Variants in SCAF8 observed in about 807,000 individuals in gnomAD.
SCAF8 encodes the protein SR-related and CTD-associated factor 8.
In SCAF8, 23 loss-of-function variants were observed where a neutral mutation model predicts 140.5. The observed-to-expected ratio is 0.16, with a 90% CI of 0.12 to 0.23. SCAF8 has a LOEUF of 0.23. SCAF8 is among the 10% of genes least tolerant of loss of function. SCAF8 has a pLI of 1.00. For missense variants in SCAF8, 1,397 were observed against 1,555.7 expected, an observed-to-expected ratio of 0.90 and a Z score of 1.72; for synonymous variants, 575 against 528.9, an observed-to-expected ratio of 1.09 and a Z score of -1.20.
chr6:154,743,304 T>C (rs780600461), intron 1 of SCAF8, among the ~76,000 whole-genome samples: 9 of 152,254 alleles, frequency 5.9e-5, no homozygotes, highest in Admixed American at 6.5e-5. Flanking sequence ...TTGTCTGTTA[T>C]ATATGTTTTA....
intron 1 of SCAF8, among the ~76,000 whole-genome samples, chr6:154,766,198 G>A (rs1776560683): frequency 6.6e-6 from 1 of 152,140 alleles, no homozygotes; most frequent in Non-Finnish European, 1.5e-5. Flanking sequence ...GGAAGGGAAA[G>A]AGGAGTGATT....
chr6:154,818,611 G>T lies in SCAF8; in HGVS notation c.1635+19G>T. On this transcript the variant is annotated intron_variant, in intron 14 of 19. Transcript: ENST00000367178. ...CATTAAGGTGAGATTTGGTGGATTG[G>T]AACTTGGGGTAGGGGGGCAGTATTT... The T allele has an allele frequency of 7.5e-7, 1 of 1,334,612 alleles. No individual in the cohort carries two copies. The highest frequency in any genetic ancestry group is 1.2e-5 in the South Asian group (1 of 81,134). 82.7% of individuals were successfully genotyped at this position (1,334,612 alleles called of 1,614,324 possible).
chr6:154,821,567 A>G (rs549499073), intron 15 of SCAF8, among the ~76,000 whole-genome samples: 1 of 152,274 alleles, frequency 6.6e-6, no homozygotes, highest in Non-Finnish European at 1.5e-5. Context: ...GTGTGGAGGT[A>G]TTGCAGTTTT....
At position 154,766,669 on chromosome 6, in the gene SCAF8, C is replaced by CTTTT. The variant is rs56995922; in HGVS notation, c.31-7308_31-7305dup. On this transcript the variant is annotated intron_variant, in intron 1 of 19. Coordinates refer to ENST00000367178, the MANE Select transcript of SCAF8 (RefSeq NM_014892.5). Reference sequence around the variant, plus strand: ...CCTCCCTCCAGCAGCACCCCCCCCCCTTTTTTTTTTTTTTTGCTATATCCA... The same window carrying CTTTT: ...CCTCCCTCCAGCAGCACCCCCCCCCCTTTTTTTTTTTTTTTTTTTGCTATATCCA... Among the ~76,000 whole-genome samples, 301 of 82,412 alleles carry CTTTT rather than the reference C, an allele frequency of 3.7e-3. 5 individuals carry two copies. The highest frequency in any genetic ancestry group is 0.015 in the Middle Eastern group (2 of 136). The allele number at this position is 82,412 out of a possible 152,430, so 54.1% of individuals were successfully genotyped here.
chr6:154,768,334 T>C (rs1776640786), intron 1 of SCAF8, among the ~76,000 whole-genome samples: 1 of 152,228 alleles, frequency 6.6e-6, no homozygotes, highest in African/African-American at 2.4e-5. Context: ...TCAAGGTTCA[T>C]GTTACTCCAC....
chr6:154,775,738 CT>C (rs1445103033), intron 2 of SCAF8, among the ~76,000 whole-genome samples: 1 of 151,694 alleles, frequency 6.6e-6, no homozygotes, highest in Non-Finnish European at 1.5e-5. Flanking sequence ...GATCTTGGCT[CT>C]TAAAGTTTTT....
chr6:154,741,201 G>C (rs2114791597), intron 1 of SCAF8, among the ~76,000 whole-genome samples: 1 of 152,260 alleles, frequency 6.6e-6, no homozygotes, highest in East Asian at 1.9e-4. Context: ...AATTGAAACT[G>C]ATAATGGTTT....
intron 14 of SCAF8, among the ~76,000 whole-genome samples, chr6:154,819,590 C>T (rs1272814865): frequency 6.6e-6 from 1 of 151,890 alleles, no homozygotes; most frequent in Non-Finnish European, 1.5e-5. Context: ...GACCCTGTCT[C>T]AAAAAGTGAA....
chr6:154,816,713 C>T (rs1046893795), intron 13 of SCAF8, among the ~76,000 whole-genome samples: 10 of 152,094 alleles, frequency 6.6e-5, no homozygotes, highest in Admixed American at 5.2e-4. Context: ...GAAAATTGCC[C>T]AGTTTTCCTT....
chr6:154,775,144 T>G (rs1053885162), intron 2 of SCAF8, among the ~76,000 whole-genome samples: 1 of 152,224 alleles, frequency 6.6e-6, no homozygotes, highest in African/African-American at 2.4e-5. Flanking sequence ...TTCAGATGAT[T>G]CGTTGATTTT....
At position 154,806,909 on chromosome 6, in the gene SCAF8, T is replaced by C. The variant is rs115097953; in HGVS notation, c.982-1161T>C. Among the ~76,000 whole-genome samples the C allele has an allele frequency of 2.9e-3, 449 of 152,254 alleles. 4 individuals are homozygous for C. The highest frequency in any genetic ancestry group is 0.011 in the African/African-American group (437 of 41,552). ...ATGTTGTTTAAAGAAAAAACAAAGTTGTAACTCAAAACAAACAGCTCGTCA... is the reference window on the plus strand; with the variant it reads ...ATGTTGTTTAAAGAAAAAACAAAGTCGTAACTCAAAACAAACAGCTCGTCA... On this transcript the variant is annotated intron_variant, in intron 9 of 19. Coordinates refer to ENST00000367178, the MANE Select transcript of SCAF8 (RefSeq NM_014892.5).
chr6:154,753,754 A>T (rs1298309697), intron 1 of SCAF8, among the ~76,000 whole-genome samples: 1 of 152,230 alleles, frequency 6.6e-6, no homozygotes, highest in Non-Finnish European at 1.5e-5. Flanking sequence ...AACAGTGGTT[A>T]TTTCTGAAGA....
At position 154,832,559 on chromosome 6, in the gene SCAF8, G is replaced by A. The variant is rs760203327; in HGVS notation, c.2980G>A (p.Val994Ile). The A allele has an allele frequency of 2.9e-5, 47 of 1,613,956 alleles. No individual in the cohort carries two copies. Among genetic ancestry groups the A allele is most frequent in the Non-Finnish European group, 4.0e-5 (47 of 1,180,016 alleles). ...TCCTGGAAGACAAAGCGTAGACAATGTTACTAACCCAGAAAAAAGGATACC... is the reference window on the plus strand; with the variant it reads ...TCCTGGAAGACAAAGCGTAGACAATATTACTAACCCAGAAAAAAGGATACC... ...LAPGRQSVDN[V>I]TNPEKRIPLG... Residue 994 changes from valine (V) to isoleucine (I), a missense_variant, in exon 20 of 20, where the codon GTT becomes ATT. By Grantham distance (29) the Val-to-Ile change is conservative (BLOSUM62 3). This residue lies in a region of SCAF8 where 930 missense variants were observed against 874.6 expected (regional missense o/e 1.06). Transcript: ENST00000367178.
In SCAF8 at chr6:154,792,979, A is replaced by G. The variant is rs775813478; in HGVS notation, c.475+3A>G. The G allele has an allele frequency of 1.2e-6, 2 of 1,600,408 alleles. No individual in the cohort carries two copies. The highest frequency in any genetic ancestry group is 8.5e-7 in the Non-Finnish European group (1 of 1,174,650). ...CACTGCTATGAGCAATACTCCAGGTATGTTGCTTTAATATAGATTTGTTGT... is the reference window on the plus strand; with the variant it reads ...CACTGCTATGAGCAATACTCCAGGTGTGTTGCTTTAATATAGATTTGTTGT... On this transcript the variant is annotated splice_donor_region_variant and intron_variant, in intron 5 of 19. Coordinates refer to ENST00000367178, the MANE Select transcript of SCAF8 (RefSeq NM_014892.5).
chr6:154,735,852 A>G (rs895532939), intron 1 of SCAF8, among the ~76,000 whole-genome samples: 2 of 148,968 alleles, frequency 1.3e-5, no homozygotes, highest in African/African-American at 5.0e-5. Flanking sequence ...TTTTTTGAGG[A>G]GTGTCATTCT....
At chr6:154,763,583 C>T in intron 1 of SCAF8, among the ~76,000 whole-genome samples, 1 of 151,988 alleles carries the variant, frequency 6.6e-6, no homozygotes, top group East Asian at 1.9e-4. Context: ...TTGGGAAAGG[C>T]ACAAAAATGT....
Position 154,784,120 on chromosome 6 carries a change from G to GATAGATAGATATATATAT in SCAF8, c.160-3738_160-3737insGATAGATATATATATATA, listed in dbSNP as rs1554260629. ...TATTTACTTATCTCTGGTGTCTTGA[G>GATAGATAGATATATATAT]ATATATATATATATATATATATATA... On this transcript the variant is annotated intron_variant, in intron 3 of 19. Coordinates refer to ENST00000367178, the MANE Select transcript of SCAF8 (RefSeq NM_014892.5). Among the ~76,000 whole-genome samples, 11 of 106,884 alleles carry GATAGATAGATATATATAT rather than the reference G, an allele frequency of 1.0e-4. 1 individual carries two copies. Among genetic ancestry groups the GATAGATAGATATATATAT allele is most frequent in the African/African-American group, 3.2e-4 (10 of 31,146 alleles). 70.1% of individuals were successfully genotyped at this position (106,884 alleles called of 152,430 possible).
At chr6:154,738,404 T>G (rs780397950) in intron 1 of SCAF8, among the ~76,000 whole-genome samples, 1 of 152,222 alleles carries the variant, frequency 6.6e-6, no homozygotes, top group Non-Finnish European at 1.5e-5. Context: ...CCTTTAATTG[T>G]GCAGGAATTA....
intron 3 of SCAF8, among the ~76,000 whole-genome samples, chr6:154,783,411 C>G (rs1357150830): frequency 6.6e-6 from 1 of 152,172 alleles, no homozygotes; most frequent in Non-Finnish European, 1.5e-5. Flanking sequence ...TTTCATCTTT[C>G]TGGCTCTGAA....
Sources: allele counts gnomAD v4.1 joint callset (sites outside exome capture counted in the v4.1 genomes callset), GRCh38; gene constraint gnomAD v4.1.1; regional missense constraint gnomAD v4.1.1; transcripts MANE v1.5; gene names NCBI Gene and HGNC (gene_info 2026-07-23, HGNC 2026-07-21).